Variants in CNGB1 observed in about 807,000 individuals in gnomAD.
CNGB1 encodes the protein cyclic nucleotide gated channel subunit beta 1.
Under a neutral mutation model 151.7 loss-of-function variants are expected in CNGB1, and 126 were observed. That is an observed-to-expected ratio of 0.83 (90% CI 0.72 to 0.96). CNGB1 has a LOEUF of 0.96. CNGB1 is among the 40% of genes least tolerant of loss of function. The probability of loss-of-function intolerance (pLI) is 0.00; values close to 1 mark genes in which losing one functional copy is unlikely to be tolerated. For missense variants in CNGB1, 1,698 were observed against 1,627.0 expected (o/e 1.04, Z -0.75); for synonymous variants, 623 against 635.1 (o/e 0.98, Z 0.29).
At position 57,953,528 on chromosome 16, in the gene CNGB1, C is replaced by G. The variant is rs138597497; in HGVS notation, c.875-2988G>C. Among the ~76,000 whole-genome samples the G allele has an allele frequency of 3.3e-5, 5 of 151,364 alleles. No homozygotes were observed. The South Asian group carries it at 1.0e-3, about 32-fold the overall frequency. ...AAAAAAAAAAGAAAGTCAACAGCCT[C>G]ATGTAGGAAGGAGCCCCTGCTTCCA... On this transcript the variant is annotated intron_variant, in intron 12 of 32. Transcript: ENST00000251102.
At chr16:57,898,996 G>A (rs1960311615) in intron 29 of CNGB1, among the ~76,000 whole-genome samples, 2 of 152,110 alleles carry the variant, frequency 1.3e-5, no homozygotes, top group Non-Finnish European at 2.9e-5. Context: ...CTAACAAAAG[G>A]GAAATGTGGA....
chr16:57,915,267 G>A lies in CNGB1; in HGVS notation c.2286C>T (p.Arg762=). 6.2e-7 allele frequency: 1 copy of A among 1,613,950 alleles called. No homozygotes were observed. Among genetic ancestry groups the A allele is most frequent in the Non-Finnish European group, 8.5e-7 (1 of 1,179,860 alleles). ...YLKVGVNPLL[R]LPRCLKYMAF... ...GTCCTACCTTTAAACAGCGGGGCAG[G>A]CGGAGGAGGGGGTTCACACCGACTT... The change falls in exon 23 of 33, where the codon CGC becomes CGT. Residue 762 remains arginine (R), a synonymous_variant. Transcript: ENST00000251102.
intron 14 of CNGB1, among the ~76,000 whole-genome samples, chr16:57,940,682 G>A (rs1477074393): frequency 6.6e-6 from 1 of 152,208 alleles, no homozygotes. Flanking sequence ...ATGGAGGACG[G>A]TTGGAGGAGC....
Position 57,888,015 on chromosome 16 carries a change from G to A in CNGB1, c.3302C>T (p.Pro1101Leu), listed in dbSNP as rs1314615095. Reference protein sequence around the residue: ...KEEKSVLILPPRAGTPKLFNA... With the variant: ...KEEKSVLILPLRAGTPKLFNA... ...GAAGAGCTTTGGGGTGCCCGCCCGGGGTGGAAGGATCAGCACGCTCTTCTC... is the reference window on the plus strand; with the variant it reads ...GAAGAGCTTTGGGGTGCCCGCCCGGAGTGGAAGGATCAGCACGCTCTTCTC... Residue 1101 changes from proline to leucine, a missense_variant, in exon 32 of 33, where the codon CCC becomes CTC. Transcript: ENST00000251102. The A allele has an allele frequency of 2.5e-6, 4 of 1,614,082 alleles. No homozygotes were observed. The Admixed American group carries it at 6.7e-5, about 27-fold the overall frequency.
At position 57,950,477 on chromosome 16, in the gene CNGB1, C is replaced by T. The variant is rs1242363114; in HGVS notation, c.938G>A (p.Trp313Ter). 6.2e-7 allele frequency: 1 copy of T among 1,614,214 alleles called. No homozygotes were observed. The highest frequency in any genetic ancestry group is 8.5e-7 in the Non-Finnish European group (1 of 1,180,042). The change falls in exon 13 of 33, where the codon TGG (tryptophan) becomes TAG (stop). Residue 313 changes from tryptophan to a stop codon, truncating the protein, a stop_gained. Coordinates refer to ENST00000251102, the MANE Select transcript of CNGB1 (RefSeq NM_001297.5). LOFTEE classifies it high-confidence loss of function. ...ACTGACATCCTGGTGGGCATCCTCC[C>T]AGGGCGGTTCAACCTCCTCTAGGAC... ...DLVLEEVEPPWEDAHQDVSTS... is the reference protein window; with the variant it reads ...DLVLEEVEPP
chr16:57,917,991 A>G (rs1960923970), intron 20 of CNGB1, among the ~76,000 whole-genome samples: 1 of 152,094 alleles, frequency 6.6e-6, no homozygotes, highest in South Asian at 2.1e-4. Flanking sequence ...ACAGAATAGT[A>G]AATAATGCAT....
At chr16:57,939,709 C>T in intron 15 of CNGB1, 117 bp from the exon 16 acceptor site, 1 of 1,420,916 alleles carries the variant, frequency 7.0e-7, no homozygotes, top group Admixed American at 1.7e-5. Context: ...GCTTCTTGCC[C>T]TGCCCAGCCA....
chr16:57,915,815 C>T (rs1189047715), intron 22 of CNGB1, among the ~76,000 whole-genome samples: 2 of 149,656 alleles, frequency 1.3e-5, no homozygotes, highest in Non-Finnish European at 3.0e-5. Flanking sequence ...AGGAGGAGTG[C>T]TTGAACGAGG....
chr16:57,907,660 T>C (rs760257226), intron 25 of CNGB1, among the ~76,000 whole-genome samples: 1 of 152,204 alleles, frequency 6.6e-6, no homozygotes, highest in Admixed American at 6.5e-5. Context: ...ATTCTCCCCT[T>C]TGCATAGAAA....
At chr16:57,938,732 T>G (rs1476425507) in intron 16 of CNGB1, among the ~76,000 whole-genome samples, 1 of 152,124 alleles carries the variant, frequency 6.6e-6, no homozygotes, top group Non-Finnish European at 1.5e-5. Context: ...TGAAGACCCA[T>G]TGCGTGGGGA....
intron 16 of CNGB1, among the ~76,000 whole-genome samples, chr16:57,934,412 G>T (rs559631036): frequency 2.6e-5 from 4 of 152,214 alleles, no homozygotes; most frequent in Admixed American, 6.5e-5. Context: ...TCCAGCCTTA[G>T]CGAAAGAGCG....
At chr16:57,888,545 T>C (rs1263573147) in intron 31 of CNGB1, among the ~76,000 whole-genome samples, 3 of 152,082 alleles carry the variant, frequency 2.0e-5, no homozygotes, top group Non-Finnish European at 2.9e-5. Flanking sequence ...CATGGCTTAC[T>C]GCAGCCTTGA....
intron 20 of CNGB1, among the ~76,000 whole-genome samples, chr16:57,918,552 C>T (rs1345082388): frequency 2.6e-5 from 4 of 152,160 alleles, no homozygotes; most frequent in African/African-American, 9.7e-5. Flanking sequence ...AGGAAAAGGC[C>T]AGCACGACCA....
At chr16:57,901,328 G>C in intron 29 of CNGB1, 24 bp downstream of exon 29, 8 of 1,611,662 alleles carry the variant, frequency 5.0e-6, no homozygotes, top group Non-Finnish European at 5.9e-6. Flanking sequence ...CCCAGATCCC[G>C]TGGTGGCTGC....
At chr16:57,951,048 TCCCTCCCTCCTGG>T (rs1476422193) in intron 12 of CNGB1, among the ~76,000 whole-genome samples, 3 of 152,142 alleles carry the variant, frequency 2.0e-5, no homozygotes, top group Non-Finnish European at 4.4e-5. Context: ...TGAGAGTCCT[TCCCTCCCTCCTGG>T]GTCTAGAGGC....
intron 22 of CNGB1, 55 bp from the exon 23 acceptor site, chr16:57,915,390 G>A: frequency 2.2e-6 from 3 of 1,342,504 alleles, no homozygotes; most frequent in Admixed American, 3.5e-5. Context: ...AGGGTGGAAG[G>A]TGAGGGGAGT....
intron 25 of CNGB1, among the ~76,000 whole-genome samples, chr16:57,910,285 T>C (rs1960673257): frequency 6.6e-6 from 1 of 152,226 alleles, no homozygotes; most frequent in South Asian, 2.1e-4. Flanking sequence ...TGAAAATACC[T>C]AGGTCACCAC....
At chr16:57,922,625 C>T (rs1413974958) in intron 18 of CNGB1, among the ~76,000 whole-genome samples, 2 of 151,900 alleles carry the variant, frequency 1.3e-5, no homozygotes, top group South Asian at 2.1e-4. Context: ...GACAGGGTTT[C>T]ACCATATTGG....
chr16:57,941,708 T>A (rs182234549), intron 14 of CNGB1, among the ~76,000 whole-genome samples: 1 of 152,080 alleles, frequency 6.6e-6, no homozygotes, highest in South Asian at 2.1e-4. Flanking sequence ...CGCAATACAA[T>A]AAAGGTCATA....
Sources: allele counts gnomAD v4.1 joint callset (sites outside exome capture counted in the v4.1 genomes callset), GRCh38; gene constraint gnomAD v4.1.1; transcripts MANE v1.5; gene names NCBI Gene and HGNC (gene_info 2026-07-23, HGNC 2026-07-21).